The following NPNT variants were observed in gnomAD, a reference collection of about 807,000 sequenced individuals.
The protein encoded by NPNT is nephronectin.
NPNT carries 45 observed loss-of-function variants against 68.6 expected under a neutral mutation model. That is an observed-to-expected ratio of 0.66 (90% CI 0.52 to 0.84). The LOEUF (loss-of-function observed/expected upper bound fraction) is 0.84. NPNT is among the 40% of genes least tolerant of loss of function. The pLI is 0.00. For synonymous variants in NPNT, 233 were observed against 253.3 expected (o/e 0.92, Z 0.76); for missense variants, 672 against 714.8 (o/e 0.94, Z 0.68).
chr4:105,967,178 C>G lies in NPNT; in HGVS notation c.1346-10C>G, dbSNP rs368087413. 1 of 1,613,148 alleles carries G rather than the reference C, an allele frequency of 6.2e-7. No homozygotes were observed. Among genetic ancestry groups the G allele is most frequent in the African/African-American group, 1.3e-5 (1 of 74,992 alleles). ...GGCACATACACACAGCCCTGCTTTT[C>G]CCATTCCAGGTGGACAATATCTGAC... On this transcript the variant is annotated splice_polypyrimidine_tract_variant and intron_variant, in intron 10 of 11. Transcript: ENST00000379987.
At chr4:105,932,095 A>G (rs1729158586) in intron 3 of NPNT, among the ~76,000 whole-genome samples, 1 of 152,192 alleles carries the variant, frequency 6.6e-6, no homozygotes, top group Non-Finnish European at 1.5e-5. Flanking sequence ...TTGACGATCT[A>G]TTATGCTGTT....
chr4:105,902,164 C>A (rs1464696446), intron 2 of NPNT, among the ~76,000 whole-genome samples: 1 of 152,058 alleles, frequency 6.6e-6, no homozygotes, highest in Non-Finnish European at 1.5e-5. Context: ...TTATATATTT[C>A]TTTGATTATT....
chr4:105,947,624 C>T (rs1420998507), intron 8 of NPNT, among the ~76,000 whole-genome samples: 1 of 152,126 alleles, frequency 6.6e-6, no homozygotes, highest in Non-Finnish European at 1.5e-5. Context: ...GTCTCCAGAT[C>T]CCATACTCCA....
intron 10 of NPNT, among the ~76,000 whole-genome samples, chr4:105,963,667 C>G (rs6855197): frequency 2.0e-5 from 3 of 151,400 alleles, no homozygotes; most frequent in African/African-American, 7.3e-5. Context: ...TTTCCTGGAA[C>G]CTTGATCTCT....
chr4:105,965,480 C>T (rs1732049991), intron 10 of NPNT, among the ~76,000 whole-genome samples: 2 of 151,952 alleles, frequency 1.3e-5, no homozygotes, highest in South Asian at 4.1e-4. Flanking sequence ...AATGCATATG[C>T]AAAGAATACC....
At position 105,958,451 on chromosome 4, in the gene NPNT, T is replaced by C. The variant is rs774247885; in HGVS notation, c.1160-20T>C. ...TTCACACACACACACACACAAAAAC[T>C]CAAAACCTTTCTCTTGCAGTTCCAC... On this transcript the variant is annotated intron_variant, in intron 8 of 11. Coordinates refer to ENST00000379987, the MANE Select transcript of NPNT (RefSeq NM_001033047.3). 7.1e-6 allele frequency: 11 copies of C among 1,542,232 alleles called. No homozygotes were observed. The highest frequency in any genetic ancestry group is 9.0e-6 in the Non-Finnish European group (10 of 1,116,426).
intron 2 of NPNT, among the ~76,000 whole-genome samples, chr4:105,917,227 G>A (rs772245405): frequency 6.6e-6 from 1 of 152,178 alleles, no homozygotes; most frequent in Non-Finnish European, 1.5e-5. Context: ...ACGGCCCTTG[G>A]GTTTCCAGAC....
intron 10 of NPNT, among the ~76,000 whole-genome samples, chr4:105,965,668 G>A (rs1364281784): frequency 6.6e-6 from 1 of 152,174 alleles, no homozygotes; most frequent in Non-Finnish European, 1.5e-5. Flanking sequence ...AGTGAGACAT[G>A]TAAATATTTT....
intron 2 of NPNT, 193 bp from the exon 3 acceptor site, chr4:105,927,143 A>G: frequency 2.3e-6 from 1 of 434,434 alleles, no homozygotes; most frequent in Non-Finnish European, 4.2e-6. Flanking sequence ...ATACACACAC[A>G]TATACATACA....
chr4:105,957,834 A>C (rs2149399984), intron 8 of NPNT, among the ~76,000 whole-genome samples: 1 of 152,234 alleles, frequency 6.6e-6, no homozygotes. Context: ...CAGGAAAGAG[A>C]GCATTGGGTC....
chr4:105,903,072 G>T (rs1726549716), intron 2 of NPNT, among the ~76,000 whole-genome samples: 2 of 152,058 alleles, frequency 1.3e-5, no homozygotes, highest in African/African-American at 2.4e-5. Context: ...CTGCCACAGG[G>T]ATATGCTGCT....
intron 3 of NPNT, among the ~76,000 whole-genome samples, chr4:105,928,784 TA>T (rs1728888759): frequency 2.8e-4 from 2 of 7,224 alleles, no homozygotes; most frequent in South Asian, 0.05. Context: ...GAAATAATCA[TA>T]TGGTGTCTAA....
chr4:105,898,343 T>TCC, intron 2 of NPNT, among the ~76,000 whole-genome samples: 1 of 136,190 alleles, frequency 7.3e-6, no homozygotes, highest in African/African-American at 3.1e-5. Flanking sequence ...TCTCTCTCTC[T>TCC]CTCTCTCTCT....
chr4:105,931,547 G>C (rs112108050), intron 3 of NPNT, among the ~76,000 whole-genome samples: 16 of 151,904 alleles, frequency 1.1e-4, no homozygotes, highest in African/African-American at 3.4e-4. Flanking sequence ...GGTTCCAGCC[G>C]GGCGCCGTGG....
chr4:105,964,397 A>G (rs368104228), intron 10 of NPNT, among the ~76,000 whole-genome samples: 142 of 152,322 alleles, frequency 9.3e-4, no homozygotes, highest in African/African-American at 3.3e-3. Context: ...GACTATATCC[A>G]TAGAATAAAT....
chr4:105,909,723 A>T (rs1441598599), intron 2 of NPNT, among the ~76,000 whole-genome samples: 2 of 152,150 alleles, frequency 1.3e-5, no homozygotes, highest in Non-Finnish European at 2.9e-5. Context: ...ATATAGCATG[A>T]AAATTAAGGT....
At position 105,970,321 on chromosome 4, in the gene NPNT, C is replaced by A. The variant is rs1732477712; in HGVS notation, c.*1331C>A. The A allele has an allele frequency of 3.1e-6, 2 of 648,818 alleles. No individual in the cohort carries two copies. The highest frequency in any genetic ancestry group is 3.4e-5 in the South Asian group (2 of 57,988). 40.2% of individuals were successfully genotyped at this position (648,818 alleles called of 1,614,324 possible). ...AAACAATGTAACTTTTAAAAGGCAT[C>A]ATTCCTGAGGTTTGTCTTAATTTCT... On this transcript the variant is annotated 3_prime_UTR_variant, in exon 12 of 12. Coordinates refer to ENST00000379987, the MANE Select transcript of NPNT (RefSeq NM_001033047.3).
chr4:105,947,874 A>G (rs1730510980), intron 8 of NPNT, among the ~76,000 whole-genome samples: 1 of 152,162 alleles, frequency 6.6e-6, no homozygotes, highest in Non-Finnish European at 1.5e-5. Flanking sequence ...TTTGTAATCT[A>G]AATCATTTCT....
chr4:105,944,021 G>A (rs1196242197), intron 8 of NPNT, among the ~76,000 whole-genome samples: 3 of 152,016 alleles, frequency 2.0e-5, no homozygotes, highest in South Asian at 4.2e-4. Flanking sequence ...TATCAGAGCC[G>A]CATTTTGCTT....
Sources: allele counts gnomAD v4.1 joint callset (sites outside exome capture counted in the v4.1 genomes callset), GRCh38; gene constraint gnomAD v4.1.1; transcripts MANE v1.5; gene names NCBI Gene and HGNC (gene_info 2026-07-23, HGNC 2026-07-21).